Variants in KCNMB2 observed in about 807,000 individuals in gnomAD.
KCNMB2 encodes potassium calcium-activated channel subfamily M regulatory beta subunit 2.
A neutral mutation model predicts 24.5 loss-of-function variants in KCNMB2; 9 were observed. The ratio of observed to expected loss-of-function variants is 0.37; its 90% CI spans 0.22 to 0.64. KCNMB2 has a LOEUF of 0.64. KCNMB2 is among the 30% of genes least tolerant of loss of function. KCNMB2 has a pLI of 0.63. For missense variants in KCNMB2, 226 were observed against 284.3 expected (o/e 0.79, Z 1.47); for synonymous variants, 109 against 104.4 (o/e 1.04, Z -0.27).
At chr3:178,750,163 A>G (rs374448507) in intron 1 of KCNMB2, among the ~76,000 whole-genome samples, 1 of 152,150 alleles carries the variant, frequency 6.6e-6, no homozygotes, top group African/African-American at 2.4e-5. Context: ...GAATTAAAAT[A>G]ATCCACTTAC....
chr3:178,841,250 C>A (rs1715416814), intron 4 of KCNMB2, among the ~76,000 whole-genome samples: 1 of 152,222 alleles, frequency 6.6e-6, no homozygotes, highest in African/African-American at 2.4e-5. Flanking sequence ...GAAACTACCT[C>A]ATTCCAGACT....
intron 1 of KCNMB2, among the ~76,000 whole-genome samples, chr3:178,657,979 G>A (rs964482358): frequency 1.3e-5 from 2 of 152,124 alleles, no homozygotes; most frequent in African/African-American, 4.8e-5. Flanking sequence ...TGCCACATTG[G>A]GAATCAAGTG....
At chr3:178,613,967 G>A (rs1718587743) in intron 1 of KCNMB2, among the ~76,000 whole-genome samples, 1 of 151,520 alleles carries the variant, frequency 6.6e-6, no homozygotes, top group South Asian at 2.1e-4. Flanking sequence ...CTATTTTCTT[G>A]ATCCTGTAGG....
At chr3:178,782,900 T>C (rs1289156520) in intron 1 of KCNMB2, among the ~76,000 whole-genome samples, 2 of 151,562 alleles carry the variant, frequency 1.3e-5, no homozygotes, top group African/African-American at 4.8e-5. Context: ...GCCTAGGTTT[T>C]CTTCTAGGGT....
chr3:178,618,052 C>A (rs573891669), intron 1 of KCNMB2, among the ~76,000 whole-genome samples: 46 of 151,960 alleles, frequency 3.0e-4, no homozygotes, highest in Non-Finnish European at 6.2e-4. Context: ...TAGATAGTAT[C>A]TTTAAGTAAA....
intron 1 of KCNMB2, among the ~76,000 whole-genome samples, chr3:178,711,825 T>C (rs12633264): frequency 0.31 from 47,126 of 152,196 alleles, 7,375 homozygotes; most frequent in Middle Eastern, 0.38. Flanking sequence ...AAGATGACCT[T>C]GTTTCAAATT....
At chr3:178,692,984 C>T (rs1453158320) in intron 1 of KCNMB2, among the ~76,000 whole-genome samples, 1 of 152,132 alleles carries the variant, frequency 6.6e-6, no homozygotes, top group Non-Finnish European at 1.5e-5. Context: ...TAGGTGTATT[C>T]CTAGACATTT....
chr3:178,789,068 C>T (rs1207051859), intron 1 of KCNMB2, among the ~76,000 whole-genome samples: 3 of 152,156 alleles, frequency 2.0e-5, no homozygotes, highest in Non-Finnish European at 4.4e-5. Context: ...CTGCAGTTTA[C>T]CATTGCTCAG....
At chr3:178,748,558 C>T (rs1723743014) in intron 1 of KCNMB2, 2 of 152,194 alleles carry the variant, frequency 1.3e-5, no homozygotes, top group African/African-American at 4.8e-5. Flanking sequence ...GAGATACAAT[C>T]CTTTTTCCCA....
In KCNMB2 at chr3:178,613,087, T is replaced by C. The variant is rs377064587; in HGVS notation, c.-68+76376T>C. ...TTTAACATTTTATTATTTCTAATTATATCTCACTGTAATGACAAAGAGTTG... is the reference window on the plus strand; with the variant it reads ...TTTAACATTTTATTATTTCTAATTACATCTCACTGTAATGACAAAGAGTTG... On this transcript the variant is annotated intron_variant, in intron 1 of 4. Transcript: ENST00000452583. 2.4e-3 allele frequency among the ~76,000 whole-genome samples: 364 copies of C among 152,350 alleles called. 15 individuals carry two copies. In the South Asian group the frequency reaches 0.07, roughly 29 times the overall value.
At chr3:178,702,997 A>C (rs1220529837) in intron 1 of KCNMB2, among the ~76,000 whole-genome samples, 1 of 152,204 alleles carries the variant, frequency 6.6e-6, no homozygotes, top group Non-Finnish European at 1.5e-5. Context: ...CAAGAGGAGA[A>C]GGATGAAGAT....
chr3:178,540,383 T>C (rs192298829), intron 1 of KCNMB2, among the ~76,000 whole-genome samples: 2 of 152,214 alleles, frequency 1.3e-5, no homozygotes, highest in Admixed American at 1.3e-4. Context: ...ACACGTTCTA[T>C]TCTCTACCCA....
intron 1 of KCNMB2, among the ~76,000 whole-genome samples, chr3:178,583,354 T>A (rs1325168368): frequency 6.6e-6 from 1 of 152,224 alleles, no homozygotes; most frequent in Non-Finnish European, 1.5e-5. Flanking sequence ...CTTATTTTCT[T>A]ATTTAAATCA....
intron 4 of KCNMB2, among the ~76,000 whole-genome samples, chr3:178,837,974 A>G (rs1323980003): frequency 6.6e-6 from 1 of 152,188 alleles, no homozygotes; most frequent in East Asian, 1.9e-4. Context: ...CATTTCAATA[A>G]CTTAGCACTG....
At chr3:178,659,982 T>G in intron 1 of KCNMB2, among the ~76,000 whole-genome samples, 1 of 152,164 alleles carries the variant, frequency 6.6e-6, no homozygotes, top group East Asian at 1.9e-4. Flanking sequence ...GTTTTCACAA[T>G]AGGCTGACTT....
chr3:178,597,394 T>C (rs145309915), intron 1 of KCNMB2, among the ~76,000 whole-genome samples: 26 of 152,252 alleles, frequency 1.7e-4, no homozygotes, highest in Admixed American at 1.4e-3. Flanking sequence ...AAGTGACCCA[T>C]AGGACACAGC....
At chr3:178,784,874 TA>T (rs67483966) in intron 1 of KCNMB2, among the ~76,000 whole-genome samples, 35,229 of 121,132 alleles carry the variant, frequency 0.29, 4,874 homozygotes, top group African/African-American at 0.4. Context: ...CCTGAAGCCT[TA>T]AAAAAAAAAA....
chr3:178,552,702 A>G (rs143557307), intron 1 of KCNMB2, among the ~76,000 whole-genome samples: 2,056 of 152,304 alleles, frequency 0.013, 37 homozygotes, highest in African/African-American at 0.047. Flanking sequence ...AGCAAATATA[A>G]TAAGTATCCT....
At chr3:178,608,196 T>A (rs900632128) in intron 1 of KCNMB2, among the ~76,000 whole-genome samples, 8 of 152,168 alleles carry the variant, frequency 5.3e-5, no homozygotes, top group African/African-American at 1.9e-4. Context: ...CTGGACTTTG[T>A]GGGATTTTTA....
Sources: gnomAD v4.1 joint callset for allele counts (sites outside exome capture counted in the v4.1 genomes callset) on GRCh38, gnomAD v4.1.1 for gene constraint, MANE v1.5 for transcripts, NCBI Gene and HGNC (gene_info 2026-07-23, HGNC 2026-07-21) for gene names.